CD163L1: variants seen among roughly 807,000 people sequenced by gnomAD.
The protein encoded by CD163L1 is CD163 molecule like 1, also known as scavenger receptor cysteine-rich type 1 protein M160.
In CD163L1, 124 loss-of-function variants were observed where a neutral mutation model predicts 165.4. That is an observed-to-expected ratio of 0.75 (90% CI 0.65 to 0.87). The LOEUF (loss-of-function observed/expected upper bound fraction) is 0.87. Among genes scored for constraint, CD163L1 ranks in the 40% least tolerant of loss-of-function variants. CD163L1 has a pLI of 0.00. For missense variants in CD163L1, 1,525 were observed against 1,799.9 expected, an observed-to-expected ratio of 0.85 and a Z score of 2.76; for synonymous variants, 585 against 662.2, an observed-to-expected ratio of 0.88 and a Z score of 1.79.
At chr12:7,439,489 TC>T in intron 2 of CD163L1, 1 of 1,584,178 alleles carries the variant, frequency 6.3e-7, no homozygotes, top group South Asian at 1.2e-5. Context: ...CTTTTTCAGA[TC>T]ATCTGGGCTT....
chr12:7,418,788 T>C (rs914725784), intron 4 of CD163L1, among the ~76,000 whole-genome samples: 1 of 151,930 alleles, frequency 6.6e-6, no homozygotes, highest in African/African-American at 2.4e-5. Flanking sequence ...AGGAGATAGG[T>C]AAATTTCTGG....
intron 19 of CD163L1, among the ~76,000 whole-genome samples, chr12:7,356,846 G>C (rs983435519): frequency 6.6e-6 from 1 of 152,040 alleles, no homozygotes. Context: ...TATAACGAGT[G>C]CTTGTTTTTC....
At chr12:7,386,025 C>A (rs1351473144) in intron 8 of CD163L1, among the ~76,000 whole-genome samples, 3 of 151,842 alleles carry the variant, frequency 2.0e-5, no homozygotes, top group Non-Finnish European at 4.4e-5. Flanking sequence ...CAAAATAGAG[C>A]CTAAAAGCCA....
chr12:7,382,727 C>G (rs1947437550), intron 8 of CD163L1, among the ~76,000 whole-genome samples: 1 of 152,122 alleles, frequency 6.6e-6, no homozygotes. Flanking sequence ...CCCCAAGACC[C>G]AGGTAACTCC....
In CD163L1 at chr12:7,433,331, G is replaced by T. The variant is rs191107762; in HGVS notation, c.445+43C>A. The T allele has an allele frequency of 2.7e-3, 4,078 of 1,509,508 alleles. 11 individuals carry two copies. Among genetic ancestry groups the T allele is most frequent in the Non-Finnish European group, 3.5e-3 (3,881 of 1,115,340 alleles). The allele number at this position is 1,509,508 out of a possible 1,614,324, so 93.5% of individuals were successfully genotyped here. The stretch of plus-strand genomic sequence containing the variant: ...CTACCTTCCAGCAGATGATTCCTGA[G>T]GGTAGGTCTTACCTTGCCTTCCTAC... On this transcript the variant is annotated intron_variant, in intron 3 of 19. Transcript: ENST00000313599.
intron 2 of CD163L1, among the ~76,000 whole-genome samples, chr12:7,440,627 T>A (rs147718075): frequency 0.02 from 2,067 of 101,878 alleles, 28 homozygotes; most frequent in South Asian, 0.11. Flanking sequence ...TTTATCTTTT[T>A]TCTTTTTTTT....
intron 2 of CD163L1, among the ~76,000 whole-genome samples, chr12:7,435,395 A>C (rs1008390686): frequency 4.5e-4 from 69 of 151,898 alleles, no homozygotes; most frequent in African/African-American, 1.5e-3. Context: ...TTAGAAAAAT[A>C]AGCAAAATGG....
chr12:7,407,169 C>T (rs1948041014), intron 4 of CD163L1, among the ~76,000 whole-genome samples: 1 of 152,078 alleles, frequency 6.6e-6, no homozygotes, highest in Non-Finnish European at 1.5e-5. Flanking sequence ...AATTTATTGT[C>T]AAAACATGAG....
intron 4 of CD163L1, among the ~76,000 whole-genome samples, chr12:7,431,797 G>C (rs1034667387): frequency 1.3e-5 from 2 of 152,072 alleles, no homozygotes; most frequent in African/African-American, 4.8e-5. Context: ...ATAATGAAGT[G>C]GGTAATAATG....
At chr12:7,343,446 C>A (rs1445388739), downstream of CD163L1, among the ~76,000 whole-genome samples, 3 of 152,156 alleles carry the variant, frequency 2.0e-5, no homozygotes, top group Admixed American at 6.5e-5. Context: ...CATGGTTCTG[C>A]AGGATGTACA....
intron 4 of CD163L1, among the ~76,000 whole-genome samples, chr12:7,408,991 A>T (rs1282392148): frequency 1.3e-5 from 2 of 152,212 alleles, no homozygotes; most frequent in East Asian, 3.8e-4. Flanking sequence ...GAAGAATCAT[A>T]CTTCTCATTG....
the CD163L1 span, among the ~76,000 whole-genome samples, chr12:7,329,329 A>T: frequency 2.2e-5 from 3 of 135,672 alleles, no homozygotes; most frequent in East Asian, 6.2e-4. Flanking sequence ...CTTCAGTACC[A>T]TATTTAATTT....
intron 2 of CD163L1, chr12:7,439,844 C>G (rs1342880625): frequency 6.2e-7 from 1 of 1,613,132 alleles, no homozygotes; most frequent in African/African-American, 1.3e-5. Context: ...TCACTGTCGC[C>G]AAAGGCCTCC....
chr12:7,439,759 T>C (rs1948788790), intron 2 of CD163L1: 6 of 1,613,152 alleles, frequency 3.7e-6, no homozygotes, highest in Non-Finnish European at 5.1e-6. Flanking sequence ...CCAGCGAACT[T>C]TGTAAAGAAT....
the CD163L1 span, among the ~76,000 whole-genome samples, chr12:7,339,828 A>G: frequency 2.0e-5 from 3 of 152,046 alleles, no homozygotes; most frequent in Admixed American, 2.0e-4. Flanking sequence ...TCATTTTTTC[A>G]TGCTAGACAA....
intron 4 of CD163L1, among the ~76,000 whole-genome samples, chr12:7,421,049 G>GTA (rs1198584213): frequency 0.013 from 946 of 71,278 alleles, 13 homozygotes; most frequent in East Asian, 0.036. Context: ...GTATATATAT[G>GTA]TATATACGTA....
chr12:7,377,988 T>C (rs933107081), intron 9 of CD163L1, among the ~76,000 whole-genome samples: 1 of 152,148 alleles, frequency 6.6e-6, no homozygotes, highest in African/African-American at 2.4e-5. Flanking sequence ...TCATATCCAA[T>C]TTCCTCCAAC....
At position 7,432,013 on chromosome 12, in the gene CD163L1, G is replaced by A. The variant is rs1371891166; in HGVS notation, c.766+403C>T. Among the ~76,000 whole-genome samples the A allele has an allele frequency of 6.6e-6, 1 of 152,094 alleles. No homozygotes were observed. Among genetic ancestry groups the A allele is most frequent in the African/African-American group, 2.4e-5 (1 of 41,400 alleles). ...AGGAAAGAGGGCAGCGTGAGATTAG[G>A]GACTTAGTCCTGATGAAATCTAAGT... On this transcript the variant is annotated intron_variant, in intron 4 of 19. Coordinates refer to ENST00000313599, the MANE Select transcript of CD163L1 (RefSeq NM_174941.6). This position sits in a 1 kb window ranked among gnomAD's most constrained non-coding sequence, Gnocchi z 4.2.
chr12:7,440,170 T>C (rs748091458), intron 2 of CD163L1, among the ~76,000 whole-genome samples: 12 of 152,226 alleles, frequency 7.9e-5, no homozygotes, highest in South Asian at 2.1e-4. Context: ...TGCTCTTGGC[T>C]CCGGGTAGCC....
Sources: gnomAD v4.1 joint callset for allele counts (sites outside exome capture counted in the v4.1 genomes callset) on GRCh38, gnomAD v4.1.1 for gene constraint, Gnocchi (gnomAD v3.1) non-coding constraint, MANE v1.5 for transcripts, NCBI Gene and HGNC (gene_info 2026-07-23, HGNC 2026-07-21) for gene names.